The following KLHL30 variants were observed in gnomAD, a reference collection of about 807,000 sequenced individuals.
KLHL30 encodes kelch like family member 30, also known as kelch-like protein 30.
KLHL30 carries 55 observed loss-of-function variants against 55.0 expected under a neutral mutation model. The observed-to-expected ratio is 1.00, with a 90% CI of 0.80 to 1.25. KLHL30 has a LOEUF of 1.25. Among genes scored for constraint, KLHL30 ranks in the 50% most tolerant of loss-of-function variants. The pLI is 0.00. For synonymous variants in KLHL30, 356 were observed against 372.6 expected (o/e 0.96, Z 0.51); for missense variants, 786 against 811.6 (o/e 0.97, Z 0.38).
intron 2 of KLHL30, 89 bp downstream of exon 2, chr2:238,141,617 G>T (rs919425827): frequency 8.9e-6 from 12 of 1,345,104 alleles, no homozygotes; most frequent in Non-Finnish European, 1.2e-5. Flanking sequence ...GTAAGGAGTG[G>T]ACATTCCAAG....
Position 238,145,812 on chromosome 2 carries a change from G to C in KLHL30, c.1130G>C (p.Gly377Ala). 6.2e-7 allele frequency: 1 copy of C among 1,606,474 alleles called. No homozygotes were observed. The highest frequency in any genetic ancestry group is 8.5e-7 in the Non-Finnish European group (1 of 1,177,024). ...AACCACGCCAGCGCGGCCCTCAATG[G>C]GGAGATCTACGTTATCGGCGGTGAG... ...RTNHASAALN[G>A]EIYVIGGTTL... Residue 377 changes from glycine to alanine, a missense_variant, in exon 5 of 8, where the codon GGG (glycine) becomes GCG (alanine). Physicochemically the swap from Gly to Ala is moderately conservative, Grantham distance 60. Coordinates refer to ENST00000409223, the MANE Select transcript of KLHL30 (RefSeq NM_198582.4).
intron 4 of KLHL30, 37 bp from the exon 5 acceptor site, chr2:238,145,640 C>A: frequency 6.4e-7 from 1 of 1,556,934 alleles, no homozygotes; most frequent in African/African-American, 1.4e-5. Context: ...GTGCCCCAGG[C>A]TGGTGGCACC....
chr2:238,147,785 C>G lies in KLHL30; in HGVS notation c.1151-49C>G, dbSNP rs752115259. On this transcript the variant is annotated intron_variant, in intron 5 of 7. Transcript: ENST00000409223. This position sits in a 1 kb window ranked among gnomAD's most constrained non-coding sequence, Gnocchi z 5.8. Reference sequence around the variant, plus strand: ...AAGCCCCAGCCCCTGAGTTTCCAGGCCTCCCCTCTCCTCCCCAGCCCTGAA... The same window carrying G: ...AAGCCCCAGCCCCTGAGTTTCCAGGGCTCCCCTCTCCTCCCCAGCCCTGAA... The G allele has an allele frequency of 8.0e-7, 1 of 1,253,170 alleles. No homozygotes were observed. The highest frequency in any genetic ancestry group is 1.1e-6 in the Non-Finnish European group (1 of 950,904). 77.6% of individuals were successfully genotyped at this position (1,253,170 alleles called of 1,614,324 possible). A position where few individuals can be genotyped will look rare whatever the true frequency, so the allele number is the denominator to read the frequency against.
At position 238,141,077 on chromosome 2, in the gene KLHL30, G is replaced by A. The variant is rs199604026; in HGVS notation, c.323G>A (p.Arg108His). ...ITQGNVEALT[R>H]TAARLHFPSV... is the part of the protein sequence containing the mutation. ...CAGGGCAACGTGGAGGCGCTGACAC[G>A]CACGGCTGCGCGCCTGCACTTCCCC... Residue 108 changes from arginine (R) to histidine (H), a missense_variant, in exon 2 of 8, where the codon CGC becomes CAC. Transcript: ENST00000409223. 2.7e-3 allele frequency: 4,265 copies of A among 1,609,152 alleles called. 25 individuals are homozygous for A. The highest frequency in any genetic ancestry group is 2.5e-3 in the Non-Finnish European group (2,918 of 1,177,182).
Position 238,150,923 on chromosome 2 carries a change from A to C in KLHL30, c.1595A>C (p.Glu532Ala). The C allele has an allele frequency of 1.9e-6, 3 of 1,596,006 alleles. No homozygotes were observed. The highest frequency in any genetic ancestry group is 2.6e-6 in the Non-Finnish European group (3 of 1,172,628). Residue 532 changes from glutamate (E) to alanine (A), a missense_variant, in exon 8 of 8, where the codon GAG (glutamate) becomes GCG (alanine). Transcript: ENST00000409223. Reference protein sequence around the residue: ...WQGMEGDYHVEMEAYDTVRDT... With the variant: ...WQGMEGDYHVAMEAYDTVRDT... Reference sequence around the variant, plus strand: ...GGCATGGAAGGTGACTACCACGTGGAGATGGAGGCCTACGACACGGTTCGG... The same window carrying C: ...GGCATGGAAGGTGACTACCACGTGGCGATGGAGGCCTACGACACGGTTCGG...
At chr2:238,148,892 A>C (rs1037563190) in intron 6 of KLHL30, 115 bp from the exon 7 acceptor site, 1 of 1,021,540 alleles carries the variant, frequency 9.8e-7, no homozygotes, top group Admixed American at 2.1e-5. Context: ...TTTCACAGAC[A>C]GGTTCACTGA....
Position 238,151,768 on chromosome 2 carries a change from T to G in KLHL30, c.*703T>G. ...CACCAGGAAGGAGGGAGGCAGGGCG[T>G]GGGGCGGGGCTGGAGGGTCCCAGGG... On this transcript the variant is annotated 3_prime_UTR_variant, in exon 8 of 8. Coordinates refer to ENST00000409223, the MANE Select transcript of KLHL30 (RefSeq NM_198582.4). The G allele has an allele frequency of 1.9e-6, 1 of 515,518 alleles. No individual in the cohort carries two copies. Among genetic ancestry groups the G allele is most frequent in the Non-Finnish European group, 2.5e-6 (1 of 400,382 alleles). 31.9% of individuals were successfully genotyped at this position (515,518 alleles called of 1,614,324 possible).
chr2:238,152,127 GC>G lies in KLHL30; in HGVS notation c.*1065del, dbSNP rs1692767198. 8.1e-6 allele frequency: 8 copies of G among 985,470 alleles called. No homozygotes were observed. Among genetic ancestry groups the G allele is most frequent in the Non-Finnish European group, 9.6e-6 (8 of 829,980 alleles). 61.0% of individuals were successfully genotyped at this position (985,470 alleles called of 1,614,324 possible). A position where few individuals can be genotyped will look rare whatever the true frequency, so the allele number is the denominator to read the frequency against. ...CATGGGGCTAGAAGTCAGGAGTCGG[GC>G]CCGGCCAGGCACAGGCCCTGGTGTT... On this transcript the variant is annotated 3_prime_UTR_variant, in exon 8 of 8. Coordinates refer to ENST00000409223, the MANE Select transcript of KLHL30 (RefSeq NM_198582.4).
chr2:238,145,480 T>C (rs1053998841), intron 4 of KLHL30, among the ~76,000 whole-genome samples, 197 bp from the exon 5 acceptor site: 2 of 152,198 alleles, frequency 1.3e-5, no homozygotes, highest in Non-Finnish European at 2.9e-5. Context: ...CCACCGATTT[T>C]GTCGTCCTTG....
At chr2:238,145,494 A>T (rs1178495977) in intron 4 of KLHL30, among the ~76,000 whole-genome samples, 183 bp from the exon 5 acceptor site, 1 of 152,114 alleles carries the variant, frequency 6.6e-6, no homozygotes, top group Non-Finnish European at 1.5e-5. Context: ...GTCCTTGTTT[A>T]TGGGGATGGA....
chr2:238,145,584 C>A, intron 4 of KLHL30, 93 bp from the exon 5 acceptor site: 3 of 1,423,002 alleles, frequency 2.1e-6, no homozygotes, highest in Non-Finnish European at 2.9e-6. Context: ...CATGGCCTGG[C>A]ATGGGAGGAG....
Position 238,141,060 on chromosome 2 carries a change from C to T in KLHL30, c.306C>T (p.Asn102=), listed in dbSNP as rs372303045. Residue 102 remains asparagine, a synonymous_variant, in exon 2 of 8, where the codon AAC becomes AAT. Coordinates refer to ENST00000409223, the MANE Select transcript of KLHL30 (RefSeq NM_198582.4). ...YTGRLTITQG[N]VEALTRTAAR... ...GCCGGCTGACCATCACGCAGGGCAA[C>T]GTGGAGGCGCTGACACGCACGGCTG... is the stretch of plus-strand genomic sequence containing the variant. The T allele has an allele frequency of 2.4e-5, 38 of 1,611,026 alleles. No homozygotes were observed. The highest frequency in any genetic ancestry group is 8.8e-5 in the South Asian group (8 of 91,010).
chr2:238,150,981 G>A lies in KLHL30; in HGVS notation c.1653G>A (p.Arg551=). The A allele has an allele frequency of 6.3e-7, 1 of 1,590,498 alleles. No individual in the cohort carries two copies. Among genetic ancestry groups the A allele is most frequent in the Admixed American group, 1.8e-5 (1 of 56,962 alleles). ...DTWTRHGALP[R]LWLYHGASTV... ...GGACCCGCCACGGCGCCCTGCCCCG[G>A]CTCTGGCTCTACCACGGGGCCTCCA... The change falls in exon 8 of 8, where the codon CGG becomes CGA. Residue 551 remains arginine, a synonymous_variant. Coordinates refer to ENST00000409223, the MANE Select transcript of KLHL30 (RefSeq NM_198582.4).
chr2:238,145,597 C>T (rs1333661206), intron 4 of KLHL30, 80 bp from the exon 5 acceptor site: 2 of 1,484,692 alleles, frequency 1.3e-6, no homozygotes. Flanking sequence ...GGGAGGAGGT[C>T]CCTGGACATT....
intron 7 of KLHL30, among the ~76,000 whole-genome samples, chr2:238,150,343 C>G (rs192030989): frequency 6.6e-6 from 1 of 152,222 alleles, no homozygotes; most frequent in Non-Finnish European, 1.5e-5. Context: ...GAAAGCCACC[C>G]GCCCTCACCC....
chr2:238,139,269 T>C (rs13421970), intron 1 of KLHL30, among the ~76,000 whole-genome samples: 23,044 of 152,194 alleles, frequency 0.15, 2,075 homozygotes, highest in African/African-American at 0.24. Context: ...GACGGGAATG[T>C]GAGGCCTGCA....
chr2:238,147,279 G>A lies in KLHL30; in HGVS notation c.1151-555G>A, dbSNP rs767645898. 6.6e-5 allele frequency among the ~76,000 whole-genome samples: 10 copies of A among 152,028 alleles called. No individual in the cohort carries two copies. The highest frequency in any genetic ancestry group is 1.0e-4 in the Non-Finnish European group (7 of 67,990). On this transcript the variant is annotated intron_variant, in intron 5 of 7. Coordinates refer to ENST00000409223, the MANE Select transcript of KLHL30 (RefSeq NM_198582.4). This position sits in a 1 kb window ranked among gnomAD's most constrained non-coding sequence, Gnocchi z 5.8. ...TGTCCCCTTTCTCTCAGTGGCTACC[G>A]TGTCCCCAACCAGAGAGCAGAAAGC...
chr2:238,140,277 C>T (rs116109466), intron 1 of KLHL30, among the ~76,000 whole-genome samples: 1 of 152,212 alleles, frequency 6.6e-6, no homozygotes, highest in Non-Finnish European at 1.5e-5. Context: ...CTGCAGCCCC[C>T]AAATGGCCTC....
chr2:238,144,161 C>T (rs767906795), intron 3 of KLHL30, among the ~76,000 whole-genome samples: 3 of 152,204 alleles, frequency 2.0e-5, no homozygotes, highest in Non-Finnish European at 4.4e-5. Context: ...ATAATCCTAA[C>T]AGCTGTCATC....
Sources: allele counts gnomAD v4.1 joint callset (sites outside exome capture counted in the v4.1 genomes callset), GRCh38; gene constraint gnomAD v4.1.1; non-coding constraint Gnocchi (gnomAD v3.1); transcripts MANE v1.5; gene names NCBI Gene and HGNC (gene_info 2026-07-23, HGNC 2026-07-21).